PTPRD: variants seen among roughly 807,000 people sequenced by gnomAD.
PTPRD encodes receptor-type tyrosine-protein phosphatase delta.
A neutral mutation model predicts 214.5 loss-of-function variants in PTPRD; 34 were observed. The observed-to-expected ratio is 0.16, with a 90% confidence interval of 0.12 to 0.21. The LOEUF (loss-of-function observed/expected upper bound fraction) is 0.21. PTPRD is among the 10% of genes least tolerant of loss of function. PTPRD has a pLI of 1.00. For missense variants in PTPRD, 2,545 were observed against 2,398.7 expected (o/e 1.06, Z -1.27); for synonymous variants, 1,128 against 845.7 (o/e 1.33, Z -5.79).
At chr9:9,718,864 G>C (rs2097882448) in intron 7 of PTPRD, among the ~76,000 whole-genome samples, 1 of 152,172 alleles carries the variant, frequency 6.6e-6, no homozygotes, top group Non-Finnish European at 1.5e-5. Context: ...GCCTGGTGTT[G>C]ACCCTCGGCA....
At position 8,595,329 on chromosome 9, in the gene PTPRD, T is replaced by C. The variant is rs553462130; in HGVS notation, c.352+37988A>G. On this transcript the variant is annotated intron_variant, in intron 14 of 45. Transcript: ENST00000381196. ...AAAAACAAGAAGGATCAGCCAGGTG[T>C]TGACATACAAAACCATATAGCCAAT... Among the ~76,000 whole-genome samples, 8 of 152,242 alleles carry C rather than the reference T, an allele frequency of 5.3e-5. No homozygotes were observed. The East Asian group carries it at 1.5e-3, about 29-fold the overall frequency.
rs144389471 is a variant in PTPRD, at chr9:9,323,706, T to G, written c.-203+73743A>C. Among the ~76,000 whole-genome samples, 381 of 152,294 alleles carry G rather than the reference T, an allele frequency of 2.5e-3. 3 individuals carry two copies. The highest frequency in any genetic ancestry group is 8.4e-3 in the African/African-American group (349 of 41,568). On this transcript the variant is annotated intron_variant, in intron 9 of 45. Coordinates refer to ENST00000381196, the MANE Select transcript of PTPRD (RefSeq NM_002839.4). Reference sequence around the variant, plus strand: ...GCATTCTCTCTCTTGTTTATTTTTATTATACTTTAAGTTCTAGGGTACATG... The same window carrying G: ...GCATTCTCTCTCTTGTTTATTTTTAGTATACTTTAAGTTCTAGGGTACATG...
At position 8,713,503 on chromosome 9, in the gene PTPRD, G is replaced by A. The variant is rs2154407253; in HGVS notation, c.64+20277C>T. 4 of 1,156,596 alleles carry A rather than the reference G, an allele frequency of 3.5e-6. No homozygotes were observed. The East Asian group carries it at 7.1e-5, about 20-fold the overall frequency. 71.6% of individuals were successfully genotyped at this position (1,156,596 alleles called of 1,614,324 possible). On this transcript the variant is annotated intron_variant, in intron 12 of 45. Coordinates refer to ENST00000381196, the MANE Select transcript of PTPRD (RefSeq NM_002839.4). ...GTCTTCAGGGGAGACTGTCTACTGT[G>A]GTCAGGTGTTTGAGAAGTCCCCGCT...
chr9:10,338,006 T>A (rs2096873229), intron 3 of PTPRD, among the ~76,000 whole-genome samples: 1 of 151,690 alleles, frequency 6.6e-6, no homozygotes, highest in Admixed American at 6.6e-5. Flanking sequence ...AAACGCAAAC[T>A]TTTTCACTCA....
At chr9:8,523,344 T>TA in intron 19 of PTPRD, among the ~76,000 whole-genome samples, 169 bp downstream of exon 19, 1 of 152,088 alleles carries the variant, frequency 6.6e-6, no homozygotes, top group Non-Finnish European at 1.5e-5. Context: ...GCACCACAGT[T>TA]AGATACCACC....
intron 14 of PTPRD, among the ~76,000 whole-genome samples, chr9:8,598,952 G>A (rs1328954639): frequency 6.6e-6 from 1 of 152,176 alleles, no homozygotes; most frequent in Non-Finnish European, 1.5e-5. Flanking sequence ...AACTTTAACT[G>A]AAAAATGATA....
At chr9:8,849,488 A>C (rs1230604656) in intron 11 of PTPRD, among the ~76,000 whole-genome samples, 1 of 152,178 alleles carries the variant, frequency 6.6e-6, no homozygotes, top group East Asian at 1.9e-4. Context: ...GGCCTCCCAA[A>C]GTGCTGGGAT....
At position 8,787,048 on chromosome 9, in the gene PTPRD, C is replaced by G. The variant is rs151032387; in HGVS notation, c.-103-53102G>C. ...ACAGGGTCTCACGATGTTGCCTAGT[C>G]TGGTCTCGAACTCCTGGGCTCAAGC... On this transcript the variant is annotated intron_variant, in intron 11 of 45. Transcript: ENST00000381196. Among the ~76,000 whole-genome samples, 933 of 152,174 alleles carry G rather than the reference C, an allele frequency of 6.1e-3. 7 individuals carry two copies. Among genetic ancestry groups the G allele is most frequent in the Non-Finnish European group, 9.0e-3 (615 of 68,004 alleles).
intron 5 of PTPRD, among the ~76,000 whole-genome samples, chr9:9,911,105 G>C (rs1293711037): frequency 6.6e-6 from 1 of 151,852 alleles, no homozygotes; most frequent in Non-Finnish European, 1.5e-5. Context: ...CTGTTCTTTG[G>C]TTTATTGTGT....
chr9:9,007,164 G>C (rs1047239302), intron 11 of PTPRD, among the ~76,000 whole-genome samples: 2 of 151,764 alleles, frequency 1.3e-5, no homozygotes, highest in African/African-American at 2.4e-5. Flanking sequence ...ATTTCAAACT[G>C]TGATGAGGTT....
intron 12 of PTPRD, among the ~76,000 whole-genome samples, chr9:8,637,167 T>C (rs1218724315): frequency 6.6e-6 from 1 of 152,202 alleles, no homozygotes; most frequent in East Asian, 1.9e-4. Context: ...CAATTTGTCC[T>C]CTAACAAAAT....
At chr9:10,024,727 C>A (rs28538794) in intron 4 of PTPRD, among the ~76,000 whole-genome samples, 22,931 of 149,012 alleles carry the variant, frequency 0.15, 1,977 homozygotes, top group African/African-American at 0.22. Context: ...TGTGCTGCAC[C>A]CATTAACTCG....
intron 11 of PTPRD, among the ~76,000 whole-genome samples, chr9:8,769,788 G>C (rs898298181): frequency 2.3e-4 from 35 of 149,654 alleles, no homozygotes; most frequent in African/African-American, 8.6e-4. Context: ...CTTGTAAATA[G>C]TTCAAAATTT....
intron 8 of PTPRD, among the ~76,000 whole-genome samples, chr9:9,568,092 T>C (rs957574438): frequency 1.3e-5 from 2 of 151,868 alleles, no homozygotes; most frequent in African/African-American, 4.8e-5. Flanking sequence ...AGGTCCCTGA[T>C]TATGTCATTG....
At chr9:9,797,559 T>A (rs946397223) in intron 5 of PTPRD, among the ~76,000 whole-genome samples, 2 of 152,044 alleles carry the variant, frequency 1.3e-5, no homozygotes, top group Non-Finnish European at 2.9e-5. Flanking sequence ...GATCGTCTTC[T>A]GTCAGGTCGT....
At chr9:9,961,724 G>T (rs1388450433) in intron 4 of PTPRD, among the ~76,000 whole-genome samples, 1 of 152,254 alleles carries the variant, frequency 6.6e-6, no homozygotes, top group East Asian at 1.9e-4. Context: ...CAGATAAGAT[G>T]ATGAAATACA....
intron 4 of PTPRD, among the ~76,000 whole-genome samples, chr9:9,972,962 C>G (rs756754399): frequency 5.9e-4 from 90 of 152,150 alleles, no homozygotes; most frequent in South Asian, 1.2e-3. Context: ...TTCACAGGTT[C>G]TTAAATTAAG....
intron 10 of PTPRD, among the ~76,000 whole-genome samples, chr9:9,025,295 A>T (rs324489): frequency 0.38 from 57,941 of 151,850 alleles, 11,428 homozygotes; most frequent in Middle Eastern, 0.5. Flanking sequence ...AGTCTGCAGT[A>T]CTATCTTTGT....
At chr9:9,682,308 C>T (rs1442696838) in intron 7 of PTPRD, among the ~76,000 whole-genome samples, 1 of 151,712 alleles carries the variant, frequency 6.6e-6, no homozygotes, top group Non-Finnish European at 1.5e-5. Context: ...ATCCTCTTTC[C>T]CATTCTACCA....
Sources: gnomAD v4.1 joint callset for allele counts (sites outside exome capture counted in the v4.1 genomes callset) on GRCh38, gnomAD v4.1.1 for gene constraint, MANE v1.5 for transcripts, NCBI Gene and HGNC (gene_info 2026-07-23, HGNC 2026-07-21) for gene names.